Variants in CADM3 observed in about 807,000 individuals in gnomAD.
CADM3 encodes cell adhesion molecule 3.
CADM3 carries 11 observed loss-of-function variants against 44.9 expected under a neutral mutation model. The ratio of observed to expected loss-of-function variants is 0.25; its 90% CI spans 0.15 to 0.41. CADM3 has a LOEUF of 0.41. Ranked by LOEUF, CADM3 falls within the 10% of genes least tolerant of loss-of-function variation. The pLI is 1.00. For synonymous variants in CADM3, 207 were observed against 205.2 expected (o/e 1.01, Z -0.08); for missense variants, 426 against 512.0 (o/e 0.83, Z 1.62).
At chr1:159,178,601 T>C (rs76424233) in intron 1 of CADM3, 1 of 152,354 alleles carries the variant, frequency 6.6e-6, no homozygotes, top group African/African-American at 2.4e-5. Flanking sequence ...TCCCCACCTT[T>C]ATAACCACCT....
chr1:159,200,021 C>A, intron 8 of CADM3, 145 bp downstream of exon 8: 2 of 1,069,970 alleles, frequency 1.9e-6, no homozygotes, highest in Non-Finnish European at 1.4e-6. Context: ...AAAATGGAGC[C>A]AACCCTATCA....
intron 5 of CADM3, 91 bp downstream of exon 5, chr1:159,194,131 C>A: frequency 7.5e-7 from 1 of 1,338,278 alleles, no homozygotes; most frequent in Non-Finnish European, 1.0e-6. Flanking sequence ...TGAAACAACA[C>A]GCACAGTTAA....
intron 7 of CADM3, 49 bp from the exon 8 acceptor site, chr1:159,199,697 TATAAG>T: frequency 3.1e-6 from 5 of 1,613,538 alleles, no homozygotes; most frequent in Non-Finnish European, 4.2e-6. Flanking sequence ...GTTGGAATGC[TATAAG>T]ATAAGGGCTC....
intron 1 of CADM3, chr1:159,178,430 T>G (rs1052480544): frequency 2.6e-5 from 4 of 152,192 alleles, no homozygotes; most frequent in African/African-American, 9.7e-5. Flanking sequence ...GAATAGATAA[T>G]GGAGGAATCC....
chr1:159,171,936 C>T (rs1009158451), intron 1 of CADM3, 83 bp downstream of exon 1: 2 of 945,968 alleles, frequency 2.1e-6, no homozygotes, highest in Middle Eastern at 2.3e-4. Flanking sequence ...GCGGAAGGAG[C>T]CTGTTGGCTT....
At chr1:159,199,943 C>A (rs981049996) in intron 8 of CADM3, 67 bp downstream of exon 8, 3 of 1,568,718 alleles carry the variant, frequency 1.9e-6, no homozygotes, top group Non-Finnish European at 2.6e-6. Context: ...GAGGCAGGCA[C>A]GAGGAGAAGC....
chr1:159,200,013 A>C, intron 8 of CADM3, 137 bp downstream of exon 8: 1 of 1,156,002 alleles, frequency 8.7e-7, no homozygotes, highest in South Asian at 1.5e-5. Flanking sequence ...GGGAATTAAA[A>C]ATGGAGCCAA....
At chr1:159,180,420 G>A (rs1557930487) in intron 1 of CADM3, among the ~76,000 whole-genome samples, 1 of 152,292 alleles carries the variant, frequency 6.6e-6, no homozygotes, top group East Asian at 1.9e-4. Flanking sequence ...GGAGATTTAA[G>A]AAGAGAGATA....
intron 1 of CADM3, among the ~76,000 whole-genome samples, chr1:159,178,116 T>C (rs1571005460): frequency 6.6e-6 from 1 of 152,228 alleles, no homozygotes; most frequent in Non-Finnish European, 1.5e-5. Context: ...AATAGTTGTT[T>C]TACTGTATTG....
intron 1 of CADM3, among the ~76,000 whole-genome samples, chr1:159,172,919 C>T (rs1267156092): frequency 6.6e-6 from 1 of 151,962 alleles, no homozygotes; most frequent in Non-Finnish European, 1.5e-5. Flanking sequence ...TGTAGGGAAA[C>T]CCGGAAGGGG....
At chr1:159,188,890 C>A (rs1649532873) in intron 1 of CADM3, among the ~76,000 whole-genome samples, 1 of 152,096 alleles carries the variant, frequency 6.6e-6, no homozygotes, top group Non-Finnish European at 1.5e-5. Flanking sequence ...CCTTAGTTTT[C>A]CTTGCAATAC....
In CADM3 at chr1:159,200,861, C is replaced by T; in HGVS notation, c.1136C>T (p.Ala379Val). The T allele has an allele frequency of 6.2e-7, 1 of 1,611,270 alleles. No homozygotes were observed. The highest frequency in any genetic ancestry group is 1.7e-5 in the Admixed American group (1 of 59,712). ...GSDDAPDADT[A>V]IINAEGGQSG... ...GACGATGCTCCAGACGCGGACACGG[C>T]CATCATCAATGCAGAAGGCGGGCAG... The change falls in exon 9 of 9, where the codon GCC becomes GTC. Residue 379 changes from alanine to valine, a missense_variant. Ala to Val is a moderately conservative substitution (Grantham distance 64, BLOSUM62 0). Coordinates refer to ENST00000368125, the MANE Select transcript of CADM3 (RefSeq NM_001127173.3).
At chr1:159,190,023 G>A in intron 1 of CADM3, 1 of 633,966 alleles carries the variant, frequency 1.6e-6, no homozygotes, top group Non-Finnish European at 2.8e-6. Flanking sequence ...TTAGTTCTTA[G>A]TCTGCACCAC....
In CADM3 at chr1:159,193,958, T is replaced by C; in HGVS notation, c.609T>C (p.Asp203=). 6.2e-7 allele frequency: 1 copy of C among 1,614,106 alleles called. No homozygotes were observed. The highest frequency in any genetic ancestry group is 8.5e-7 in the Non-Finnish European group (1 of 1,180,024). ...CATTCCAGGTTACCCGGGAGGATGATGGGGCGAGCATCGTGTGCTCTGTGA... is the reference window on the plus strand; with the variant it reads ...CATTCCAGGTTACCCGGGAGGATGACGGGGCGAGCATCGTGTGCTCTGTGA... ...SVTFQVTRED[D]GASIVCSVNH... is the part of the protein sequence containing the mutation. Residue 203 remains aspartate, a synonymous_variant, in exon 5 of 9, where the codon GAT becomes GAC. Coordinates refer to ENST00000368125, the MANE Select transcript of CADM3 (RefSeq NM_001127173.3).
rs1015418177 is a variant in CADM3 at position 159,196,886 on chromosome 1, G to A, written c.783-5G>A. The A allele has an allele frequency of 4.3e-6, 7 of 1,612,306 alleles. No individual in the cohort carries two copies. Among genetic ancestry groups the A allele is most frequent in the African/African-American group, 1.3e-5 (1 of 74,540 alleles). ...TGAGCTCTTCTGATTTGTCTGCCTCGACAGCCCCCAGCAGTACCTATGGGA... is the reference window on the plus strand; with the variant it reads ...TGAGCTCTTCTGATTTGTCTGCCTCAACAGCCCCCAGCAGTACCTATGGGA... On this transcript the variant is annotated splice_polypyrimidine_tract_variant and splice_region_variant and intron_variant, in intron 6 of 8. Transcript: ENST00000368125.
chr1:159,171,925 C>T (rs1327960240), intron 1 of CADM3, 72 bp downstream of exon 1: 6 of 1,027,320 alleles, frequency 5.8e-6, no homozygotes, highest in Admixed American at 8.5e-5. Context: ...TCGGGAGTCT[C>T]GCGGAAGGAG....
rs762671254 is a variant in CADM3, at chr1:159,200,839, G to A, written c.1114G>A (p.Asp372Asn). Residue 372 changes from aspartate to asparagine, a missense_variant, in exon 9 of 9, where the codon GAT becomes AAT. By Grantham distance (23) the Asp-to-Asn change is conservative (BLOSUM62 1). Coordinates refer to ENST00000368125, the MANE Select transcript of CADM3 (RefSeq NM_001127173.3). ...GACACATGAGGCAAAAGGCTCCGAC[G>A]ATGCTCCAGACGCGGACACGGCCAT... ...YLTHEAKGSD[D>N]APDADTAIIN... 9 of 1,609,478 alleles carry A rather than the reference G, an allele frequency of 5.6e-6. No homozygotes were observed. Among genetic ancestry groups the A allele is most frequent in the African/African-American group, 2.7e-5 (2 of 74,740 alleles).
intron 7 of CADM3, chr1:159,197,310 G>C (rs1454097252): frequency 2.3e-6 from 1 of 428,932 alleles, no homozygotes; most frequent in Non-Finnish European, 4.2e-6. Flanking sequence ...TGGCCTGGGT[G>C]ACACCATCTT....
chr1:159,171,887 G>T, intron 1 of CADM3, 34 bp downstream of exon 1: 1 of 1,212,672 alleles, frequency 8.2e-7, no homozygotes, highest in South Asian at 4.2e-5. Flanking sequence ...CTGGGGAGGT[G>T]GGGAGTGACC....
Sources: gnomAD v4.1 joint callset for allele counts (sites outside exome capture counted in the v4.1 genomes callset) on GRCh38, gnomAD v4.1.1 for gene constraint, MANE v1.5 for transcripts, NCBI Gene and HGNC (gene_info 2026-07-23, HGNC 2026-07-21) for gene names.